The following RIMS2 variants were observed in gnomAD, a reference collection of about 807,000 sequenced individuals.
The protein encoded by RIMS2 is regulating synaptic membrane exocytosis 2.
In RIMS2, 59 loss-of-function variants were observed where a neutral mutation model predicts 174.4. The observed-to-expected ratio is 0.34, with a 90% confidence interval of 0.27 to 0.42. The LOEUF (loss-of-function observed/expected upper bound fraction) is 0.42. Ranked by LOEUF, RIMS2 falls within the 10% of genes least tolerant of loss-of-function variation. The probability of loss-of-function intolerance (pLI) is 1.00; values close to 1 mark genes in which losing one functional copy is unlikely to be tolerated. For synonymous variants in RIMS2, 606 were observed against 572.5 expected (o/e 1.06, Z -0.84); for missense variants, 1,620 against 1,666.3 (o/e 0.97, Z 0.48).
chr8:103,696,685 G>A (rs994781844), intron 1 of RIMS2, among the ~76,000 whole-genome samples: 14 of 151,866 alleles, frequency 9.2e-5, no homozygotes, highest in Admixed American at 1.3e-4. Context: ...TGGCCATGGC[G>A]AAACTGCATC....
intron 2 of RIMS2, among the ~76,000 whole-genome samples, chr8:103,726,115 CTT>C (rs2097524961): frequency 2.6e-5 from 4 of 152,138 alleles, no homozygotes; most frequent in Admixed American, 2.6e-4. Flanking sequence ...TAATTTTTAA[CTT>C]TACAATGGTG....
chr8:104,189,149 T>C (rs1489071795), intron 19 of RIMS2, among the ~76,000 whole-genome samples: 1 of 152,012 alleles, frequency 6.6e-6, no homozygotes, highest in African/African-American at 2.4e-5. Flanking sequence ...GCCAGACTTT[T>C]CTGTAAGTTA....
intron 1 of RIMS2, among the ~76,000 whole-genome samples, chr8:103,598,709 G>A (rs994097417): frequency 6.6e-6 from 1 of 152,102 alleles, no homozygotes; most frequent in African/African-American, 2.4e-5. Context: ...GGCAAGTCTT[G>A]ATCTCAAAGT....
chr8:104,007,650 T>C (rs1164112424), intron 17 of RIMS2, among the ~76,000 whole-genome samples: 1 of 152,192 alleles, frequency 6.6e-6, no homozygotes, highest in Non-Finnish European at 1.5e-5. Flanking sequence ...TCAACATCTA[T>C]ACCATCTCTT....
intron 3 of RIMS2, among the ~76,000 whole-genome samples, chr8:103,846,830 G>T (rs1175756146): frequency 6.6e-6 from 1 of 152,054 alleles, no homozygotes; most frequent in Non-Finnish European, 1.5e-5. Flanking sequence ...TGATTTGGGT[G>T]ACATACCTGG....
chr8:103,620,013 C>G (rs778610447), intron 1 of RIMS2, among the ~76,000 whole-genome samples: 1 of 152,092 alleles, frequency 6.6e-6, no homozygotes, highest in Non-Finnish European at 1.5e-5. Context: ...AACAAACAGA[C>G]TAGTGTTTTA....
At chr8:104,234,252 A>G (rs1295605557) in intron 19 of RIMS2, among the ~76,000 whole-genome samples, 1 of 152,142 alleles carries the variant, frequency 6.6e-6, no homozygotes, top group Admixed American at 6.6e-5. Flanking sequence ...TTGAACTCAT[A>G]TCATCTGATT....
intron 3 of RIMS2, among the ~76,000 whole-genome samples, chr8:103,788,726 T>A (rs1394691093): frequency 2.6e-5 from 4 of 152,082 alleles, no homozygotes; most frequent in African/African-American, 9.7e-5. Context: ...GTCTTTTTGT[T>A]TGTCTGTGCC....
At chr8:103,811,379 A>T (rs2098686828) in intron 3 of RIMS2, among the ~76,000 whole-genome samples, 1 of 152,164 alleles carries the variant, frequency 6.6e-6, no homozygotes, top group Non-Finnish European at 1.5e-5. Flanking sequence ...GTACTCTATA[A>T]CTAACTCTTG....
chr8:104,008,885 T>C (rs545659341), intron 17 of RIMS2, among the ~76,000 whole-genome samples: 144 of 152,176 alleles, frequency 9.5e-4, no homozygotes, highest in African/African-American at 3.2e-3. Context: ...AATAATGCTA[T>C]TACACCCAAG....
intron 2 of RIMS2, among the ~76,000 whole-genome samples, chr8:103,718,304 T>C (rs1168653208): frequency 6.6e-6 from 1 of 152,210 alleles, no homozygotes; most frequent in African/African-American, 2.4e-5. Flanking sequence ...GGTTGCTGTG[T>C]GCTATGGACA....
intron 19 of RIMS2, among the ~76,000 whole-genome samples, chr8:104,235,559 T>A (rs529349577): frequency 6.6e-6 from 1 of 151,840 alleles, no homozygotes; most frequent in Admixed American, 6.6e-5. Flanking sequence ...TTTGAAATAT[T>A]TTAAATATGA....
chr8:104,166,089 C>G (rs2098795826), intron 19 of RIMS2, among the ~76,000 whole-genome samples: 1 of 117,674 alleles, frequency 8.5e-6, no homozygotes, highest in African/African-American at 3.3e-5. Flanking sequence ...TTTTTTGAGA[C>G]AGAGTCTCGC....
intron 19 of RIMS2, 25 bp downstream of exon 24, chr8:104,093,668 T>C (rs745625083): frequency 5.8e-6 from 9 of 1,557,254 alleles, no homozygotes; most frequent in Non-Finnish European, 7.8e-6. Flanking sequence ...ACAACAAACT[T>C]CTCTAAATAT....
At chr8:103,972,547 C>T (rs774838927) in intron 15 of RIMS2, among the ~76,000 whole-genome samples, 9 of 152,266 alleles carry the variant, frequency 5.9e-5, no homozygotes, top group South Asian at 2.1e-4. Context: ...AATTTACAAG[C>T]GTCTACATAA....
At chr8:104,019,400 A>G (rs2096023244) in intron 19 of RIMS2, among the ~76,000 whole-genome samples, 1 of 152,192 alleles carries the variant, frequency 6.6e-6, no homozygotes, top group Non-Finnish European at 1.5e-5. Context: ...TTTATGAATA[A>G]TAGAGTGTAC....
At chr8:104,229,318 A>T (rs2099210091) in intron 19 of RIMS2, among the ~76,000 whole-genome samples, 2 of 152,136 alleles carry the variant, frequency 1.3e-5, no homozygotes, top group South Asian at 4.1e-4. Context: ...TCTCTTTCAT[A>T]TTGAAATGTT....
chr8:103,976,548 CTTTT>C (rs768820871), intron 16 of RIMS2: 2 of 124,576 alleles, frequency 1.6e-5, no homozygotes, highest in Admixed American at 8.0e-5. Context: ...TTTTCTTTTT[CTTTT>C]TTTTTTTTTT....
At chr8:103,817,542 A>G (rs2098725513) in intron 3 of RIMS2, among the ~76,000 whole-genome samples, 1 of 152,212 alleles carries the variant, frequency 6.6e-6, no homozygotes, top group Non-Finnish European at 1.5e-5. Flanking sequence ...GCACTTTGGG[A>G]GGCCAAGCTG....
Sources: gnomAD v4.1 joint callset for allele counts (sites outside exome capture counted in the v4.1 genomes callset) on GRCh38, gnomAD v4.1.1 for gene constraint, MANE v1.5 for transcripts, NCBI Gene and HGNC (gene_info 2026-07-23, HGNC 2026-07-21) for gene names.